The following NLRP5 variants were observed in gnomAD, a reference collection of about 807,000 sequenced individuals.
NLRP5 encodes the protein NLR family pyrin domain containing 5, also known as NACHT, LRR and PYD domains-containing protein 5.
In NLRP5, 93 loss-of-function variants were observed where a neutral mutation model predicts 113.1. The observed-to-expected ratio is 0.82, with a 90% CI of 0.70 to 0.98. The LOEUF is 0.98. Ranked by LOEUF, NLRP5 falls within the 50% of genes least tolerant of loss-of-function variation. NLRP5 has a pLI of 0.00. For synonymous variants in NLRP5, 751 were observed against 600.7 expected, an observed-to-expected ratio of 1.25 and a Z score of -3.66; for missense variants, 1,808 against 1,514.3, an observed-to-expected ratio of 1.19 and a Z score of -3.22.
chr19:56,016,868 G>T (rs529905236), intron 4 of NLRP5, among the ~76,000 whole-genome samples: 1 of 152,224 alleles, frequency 6.6e-6, no homozygotes, highest in African/African-American at 2.4e-5. Context: ...GGGTGCAGTG[G>T]CGCGATCTCA....
At chr19:56,033,995 C>A (rs1983219100) in intron 9 of NLRP5, among the ~76,000 whole-genome samples, 1 of 152,200 alleles carries the variant, frequency 6.6e-6, no homozygotes, top group Admixed American at 6.5e-5. Flanking sequence ...ATCTTGAACT[C>A]CTGGGCTCAG....
intron 13 of NLRP5, among the ~76,000 whole-genome samples, chr19:56,054,683 T>C (rs1001020235): frequency 4.0e-5 from 6 of 151,872 alleles, no homozygotes; most frequent in African/African-American, 9.7e-5. Context: ...ATTCCATTTG[T>C]ATAAAATACC....
intron 9 of NLRP5, among the ~76,000 whole-genome samples, chr19:56,036,049 A>T (rs1983298416): frequency 7.6e-6 from 1 of 131,772 alleles, no homozygotes; most frequent in Non-Finnish European, 1.6e-5. Flanking sequence ...TGATGAATGA[A>T]TTGAGATTCT....
At chr19:56,055,317 C>A (rs945012834) in intron 13 of NLRP5, among the ~76,000 whole-genome samples, 1 of 151,478 alleles carries the variant, frequency 6.6e-6, no homozygotes, top group Non-Finnish European at 1.5e-5. Context: ...CTTGAAGTCA[C>A]ACATTGTTCT....
At chr19:56,000,054 C>A (rs932551002) in intron 1 of NLRP5, among the ~76,000 whole-genome samples, 1 of 151,164 alleles carries the variant, frequency 6.6e-6, no homozygotes, top group African/African-American at 2.5e-5. Context: ...GGGACTGCCA[C>A]CTCTCCACTC....
upstream of NLRP5, among the ~76,000 whole-genome samples, chr19:55,999,164 T>A (rs1981505911): frequency 6.6e-6 from 1 of 151,982 alleles, no homozygotes; most frequent in East Asian, 1.9e-4. Flanking sequence ...TTTAATTGTT[T>A]TAGAATCCAC....
At chr19:55,989,693 C>CT in the NLRP5 span, among the ~76,000 whole-genome samples, 1 of 152,164 alleles carries the variant, frequency 6.6e-6, no homozygotes, top group Admixed American at 6.6e-5. Flanking sequence ...CATTAAGAGC[C>CT]TTACAGATGG....
rs1327884252 is a variant in NLRP5 at position 56,027,402 on chromosome 19, T to A, written c.1169T>A (p.Leu390His). ...GCTGAGAAGCAGCCTCCGTTCACCC[T>A]CATACGCAGTCTGCTGAGGAAGGTC... is the stretch of plus-strand genomic sequence containing the variant. The change falls in exon 7 of 15, where the codon CTC becomes CAC. Residue 390 changes from leucine (L) to histidine (H), a missense_variant. Coordinates refer to ENST00000390649, the MANE Select transcript of NLRP5 (RefSeq NM_153447.4). 6.2e-7 allele frequency: 1 copy of A among 1,613,532 alleles called. No homozygotes were observed. Among genetic ancestry groups the A allele is most frequent in the South Asian group, 1.1e-5 (1 of 90,958 alleles).
At chr19:56,042,481 T>A (rs1185212673) in intron 11 of NLRP5, among the ~76,000 whole-genome samples, 1 of 152,164 alleles carries the variant, frequency 6.6e-6, no homozygotes, top group African/African-American at 2.4e-5. Context: ...CCCAAGTAGA[T>A]GAGATTACAG....
chr19:56,049,813 T>TA (rs1225259101), intron 11 of NLRP5, among the ~76,000 whole-genome samples: 1 of 152,196 alleles, frequency 6.6e-6, no homozygotes, highest in Admixed American at 6.5e-5. Flanking sequence ...CTGATTAGCT[T>TA]AATAACTAAG....
chr19:55,998,708 G>GTGTATATATATATATATA (rs1981456122), upstream of NLRP5, among the ~76,000 whole-genome samples: 3 of 59,352 alleles, frequency 5.1e-5, no homozygotes, highest in Admixed American at 1.8e-4. Context: ...ATATATGTGT[G>GTGTATATATATATATATA]TGTGTGTATA....
chr19:56,012,092 G>A (rs1982215673), intron 3 of NLRP5, among the ~76,000 whole-genome samples: 1 of 151,994 alleles, frequency 6.6e-6, no homozygotes, highest in Non-Finnish European at 1.5e-5. Flanking sequence ...TCAAGACATA[G>A]CTCCTAATAT....
intron 2 of NLRP5, 34 bp downstream of exon 2, chr19:56,004,129 AG>A (rs761940561): frequency 5.1e-6 from 8 of 1,557,410 alleles, no homozygotes; most frequent in Non-Finnish European, 6.9e-6. Flanking sequence ...TAGGGCAGGG[AG>A]GGGAGGTGAT....
intron 3 of NLRP5, among the ~76,000 whole-genome samples, chr19:56,014,770 C>G (rs1982342165): frequency 6.6e-6 from 1 of 152,132 alleles, no homozygotes; most frequent in Non-Finnish European, 1.5e-5. Context: ...TTCCATTGAT[C>G]TCTATATCTG....
At chr19:56,020,946 T>G (rs1171288643) in intron 6 of NLRP5, among the ~76,000 whole-genome samples, 1 of 151,304 alleles carries the variant, frequency 6.6e-6, no homozygotes, top group Non-Finnish European at 1.5e-5. Context: ...GTATCTCGGC[T>G]CAGTGCAACC....
intron 4 of NLRP5, among the ~76,000 whole-genome samples, chr19:56,017,098 C>G (rs61542854): frequency 6.6e-6 from 1 of 152,122 alleles, no homozygotes; most frequent in Non-Finnish European, 1.5e-5. Flanking sequence ...TGAGCCACCG[C>G]GCCCGGCCAA....
chr19:56,035,667 A>G (rs984120862), intron 9 of NLRP5, among the ~76,000 whole-genome samples: 5 of 152,218 alleles, frequency 3.3e-5, no homozygotes, highest in Non-Finnish European at 7.3e-5. Context: ...TTACCTTCTC[A>G]TAACTCACAG....
chr19:56,009,113 C>T (rs546481045), intron 3 of NLRP5, among the ~76,000 whole-genome samples: 4 of 151,864 alleles, frequency 2.6e-5, no homozygotes, highest in South Asian at 2.1e-4. Flanking sequence ...CTGAGGTGGG[C>T]AGATCACCTG....
chr19:56,045,299 G>T (rs908570896), intron 11 of NLRP5, among the ~76,000 whole-genome samples: 5 of 152,188 alleles, frequency 3.3e-5, no homozygotes, highest in African/African-American at 1.2e-4. Flanking sequence ...TCTAAGTGAA[G>T]AGACAACCTG....
Sources: gnomAD v4.1 joint callset for allele counts (sites outside exome capture counted in the v4.1 genomes callset) on GRCh38, gnomAD v4.1.1 for gene constraint, MANE v1.5 for transcripts, NCBI Gene and HGNC (gene_info 2026-07-23, HGNC 2026-07-21) for gene names.